The following MAP2 variants were observed in gnomAD, a reference collection of about 807,000 sequenced individuals.
MAP2 encodes the protein microtubule-associated protein 2.
MAP2 carries 14 observed loss-of-function variants against 137.6 expected under a neutral mutation model. That is an observed-to-expected ratio of 0.10 (90% CI 0.07 to 0.16). The LOEUF (loss-of-function observed/expected upper bound fraction) is 0.16. MAP2 is among the 10% of genes least tolerant of loss of function. The pLI, the probability that MAP2 is intolerant of heterozygous loss-of-function variation, is 1.00. For synonymous variants in MAP2, 786 were observed against 782.3 expected (o/e 1.00, Z -0.08); for missense variants, 2,088 against 2,191.5 (o/e 0.95, Z 0.94).
intron 13 of MAP2, among the ~76,000 whole-genome samples, chr2:209,716,655 G>A (rs2067770299): frequency 6.6e-6 from 1 of 152,102 alleles, no homozygotes; most frequent in African/African-American, 2.4e-5. Context: ...TGATCTAAAA[G>A]AATATTGAAC....
At chr2:209,599,875 T>G (rs1159016500) in intron 3 of MAP2, among the ~76,000 whole-genome samples, 2 of 152,112 alleles carry the variant, frequency 1.3e-5, no homozygotes, top group Non-Finnish European at 2.9e-5. Flanking sequence ...GGAATGATAA[T>G]AAAAAACTTA....
intron 6 of MAP2, 54 bp from the exon 7 acceptor site, chr2:209,680,696 C>T (rs1319040068): frequency 5.5e-6 from 8 of 1,462,016 alleles, no homozygotes; most frequent in Non-Finnish European, 7.7e-6. Context: ...TACACATCTA[C>T]CAGCCTAAAA....
In MAP2 at chr2:209,573,362, C is replaced by T. The variant is rs542444385; in HGVS notation, c.-171-6674C>T. On this transcript the variant is annotated intron_variant, in intron 2 of 15. Coordinates refer to ENST00000682079, the MANE Select transcript of MAP2 (RefSeq NM_001375505.1). ...AGGCTGGAGTGCAGTGGCACGATCT[C>T]GGCTCACCACAACCTCCGCCTCCTG... Among the ~76,000 whole-genome samples the T allele has an allele frequency of 1.9e-4, 26 of 139,976 alleles. No individual in the cohort carries two copies. The East Asian group carries it at 2.9e-3, about 16-fold the overall frequency. 91.8% of individuals were successfully genotyped at this position (139,976 alleles called of 152,430 possible).
At chr2:209,620,992 C>T (rs987338768) in intron 3 of MAP2, among the ~76,000 whole-genome samples, 2 of 151,946 alleles carry the variant, frequency 1.3e-5, no homozygotes, top group African/African-American at 4.8e-5. Flanking sequence ...GTCAGGAGTT[C>T]AAGACCTGCC....
At chr2:209,492,767 C>T (rs1315674989) in intron 1 of MAP2, among the ~76,000 whole-genome samples, 1 of 152,092 alleles carries the variant, frequency 6.6e-6, no homozygotes, top group Non-Finnish European at 1.5e-5. Flanking sequence ...AACTACAAAC[C>T]ACTGCTCAAG....
chr2:209,671,114 A>C (rs369778650), intron 5 of MAP2, among the ~76,000 whole-genome samples: 2 of 152,024 alleles, frequency 1.3e-5, no homozygotes, highest in Non-Finnish European at 2.9e-5. Flanking sequence ...TTAATCGCTA[A>C]ATCTTTAGAA....
intron 4 of MAP2, among the ~76,000 whole-genome samples, chr2:209,630,740 G>A (rs2092917506): frequency 6.6e-6 from 1 of 151,914 alleles, no homozygotes; most frequent in Admixed American, 6.6e-5. Context: ...AAGACAAATG[G>A]ATAAAGGACT....
chr2:209,635,257 T>C (rs1272171176), intron 4 of MAP2, among the ~76,000 whole-genome samples: 2 of 152,164 alleles, frequency 1.3e-5, no homozygotes, highest in Non-Finnish European at 2.9e-5. Flanking sequence ...GATTAATTAA[T>C]GTAGAAAACC....
At chr2:209,440,541 G>C (rs1340538009) in intron 1 of MAP2, among the ~76,000 whole-genome samples, 1 of 151,458 alleles carries the variant, frequency 6.6e-6, no homozygotes, top group African/African-American at 2.4e-5. Flanking sequence ...AAGACTGCTT[G>C]TTTTATGGTT....
intron 3 of MAP2, among the ~76,000 whole-genome samples, chr2:209,581,016 C>T (rs563778394): frequency 5.3e-5 from 8 of 152,084 alleles, no homozygotes; most frequent in Admixed American, 2.0e-4. Flanking sequence ...ACTGTCAGTC[C>T]GAAGCATTTT....
rs113140327 is a variant in MAP2 at position 209,588,959 on chromosome 2, A to C, written c.-107+8859A>C. Among the ~76,000 whole-genome samples the C allele has an allele frequency of 9.2e-3, 1,405 of 152,276 alleles. 23 individuals carry two copies. The highest frequency in any genetic ancestry group is 0.031 in the African/African-American group (1,300 of 41,566). On this transcript the variant is annotated intron_variant, in intron 3 of 15. Transcript: ENST00000682079. Reference sequence around the variant, plus strand: ...GAGAAATTCACATAATTCTGGCTGTACTTTTCCTCTGTAGGAAAGTGGATA... The same window carrying C: ...GAGAAATTCACATAATTCTGGCTGTCCTTTTCCTCTGTAGGAAAGTGGATA...
At chr2:209,718,572 G>A (rs182439559) in intron 13 of MAP2, among the ~76,000 whole-genome samples, 13 of 151,464 alleles carry the variant, frequency 8.6e-5, no homozygotes, top group Admixed American at 3.3e-4. Flanking sequence ...CCACTAAAAC[G>A]TTCTTTCCAA....
intron 2 of MAP2, among the ~76,000 whole-genome samples, chr2:209,518,664 C>G (rs2062855702): frequency 6.6e-6 from 1 of 151,906 alleles, no homozygotes; most frequent in Non-Finnish European, 1.5e-5. Context: ...AAGCAGAAAC[C>G]CAGTTCATCA....
chr2:209,481,634 A>G (rs1708812779), intron 1 of MAP2, among the ~76,000 whole-genome samples: 1 of 152,228 alleles, frequency 6.6e-6, no homozygotes, highest in South Asian at 2.1e-4. Flanking sequence ...TCCCCACAAA[A>G]AAAGATGAAT....
intron 4 of MAP2, among the ~76,000 whole-genome samples, chr2:209,649,080 G>T (rs1272541996): frequency 2.0e-5 from 3 of 151,942 alleles, no homozygotes; most frequent in Non-Finnish European, 4.4e-5. Context: ...TGTCACCCAG[G>T]TTGAGTGCTG....
intron 1 of MAP2, among the ~76,000 whole-genome samples, chr2:209,427,153 C>T (rs753533455): frequency 1.3e-5 from 2 of 152,160 alleles, no homozygotes; most frequent in Admixed American, 6.5e-5. Flanking sequence ...AAGTTGGTAA[C>T]TCTGATTATT....
chr2:209,503,294 C>A (rs1014467957), intron 1 of MAP2, among the ~76,000 whole-genome samples: 5 of 152,104 alleles, frequency 3.3e-5, no homozygotes, highest in Non-Finnish European at 4.4e-5. Flanking sequence ...AGCCCCCACG[C>A]CCAGCCCTAT....
chr2:209,643,805 G>A (rs1031552015), intron 4 of MAP2, among the ~76,000 whole-genome samples: 1 of 152,154 alleles, frequency 6.6e-6, no homozygotes, highest in African/African-American at 2.4e-5. Context: ...AATACGAGCA[G>A]TCTATCTTGT....
In MAP2 at chr2:209,710,126, ACTC is replaced by A; in HGVS notation, c.4950_4952del (p.Pro1651del). The A allele has an allele frequency of 1.9e-6, 3 of 1,613,326 alleles. No homozygotes were observed. The highest frequency in any genetic ancestry group is 2.5e-6 in the Non-Finnish European group (3 of 1,179,848). ...TGAGAAGAAGGTCGCCATCATACGTACTCCTCCAAAATCTCCTGCGACTCCCAA... is the reference window on the plus strand; with the variant it reads ...TGAGAAGAAGGTCGCCATCATACGTACTCCAAAATCTCCTGCGACTCCCAA... On this transcript the variant is annotated inframe_deletion, in exon 13 of 16. Coordinates refer to ENST00000682079, the MANE Select transcript of MAP2 (RefSeq NM_001375505.1).
Sources: allele counts gnomAD v4.1 joint callset (sites outside exome capture counted in the v4.1 genomes callset), GRCh38; gene constraint gnomAD v4.1.1; transcripts MANE v1.5; gene names NCBI Gene and HGNC (gene_info 2026-07-23, HGNC 2026-07-21).